The following ACER3 variants were observed in gnomAD, a reference collection of about 807,000 sequenced individuals.
The protein encoded by ACER3 is alkCDase 3.
Under a neutral mutation model 48.9 loss-of-function variants are expected in ACER3, and 16 were observed. The observed-to-expected ratio is 0.33, with a 90% confidence interval of 0.22 to 0.50. The LOEUF is 0.50. Ranked by LOEUF, ACER3 falls within the 20% of genes least tolerant of loss-of-function variation. The pLI, the probability that ACER3 is intolerant of heterozygous loss-of-function variation, is 0.98. For missense variants in ACER3, 227 were observed against 326.0 expected, an observed-to-expected ratio of 0.70 and a Z score of 2.34; for synonymous variants, 109 against 107.8, an observed-to-expected ratio of 1.01 and a Z score of -0.07.
chr11:76,978,877 G>A (rs759586413), intron 4 of ACER3, among the ~76,000 whole-genome samples: 9 of 152,326 alleles, frequency 5.9e-5, no homozygotes, highest in East Asian at 1.9e-4. Flanking sequence ...TGATCAAACC[G>A]CAGGCTTACA....
intron 1 of ACER3, among the ~76,000 whole-genome samples, chr11:76,924,319 A>C (rs924863332): frequency 1.3e-5 from 2 of 151,922 alleles, no homozygotes; most frequent in Non-Finnish European, 2.9e-5. Flanking sequence ...TTGTGTGGAA[A>C]CAGAAGTCTG....
At chr11:76,925,235 T>C (rs1246596909) in intron 1 of ACER3, among the ~76,000 whole-genome samples, 1 of 152,220 alleles carries the variant, frequency 6.6e-6, no homozygotes, top group African/African-American at 2.4e-5. Flanking sequence ...GATTTATTTC[T>C]TGACTTGACA....
chr11:76,904,060 C>T (rs1003139970), intron 1 of ACER3, among the ~76,000 whole-genome samples: 1 of 152,248 alleles, frequency 6.6e-6, no homozygotes, highest in African/African-American at 2.4e-5. Flanking sequence ...AATTTTGGCT[C>T]ACTGCAACCT....
Position 77,025,418 on chromosome 11 carries a change from A to AT in ACER3, c.*5098dup, listed in dbSNP as rs1261260756. 7 of 140,094 alleles carry AT rather than the reference A, an allele frequency of 5.0e-5. No individual in the cohort carries two copies. Among genetic ancestry groups the AT allele is most frequent in the African/African-American group, 1.6e-4 (6 of 37,968 alleles). 8.7% of individuals were successfully genotyped at this position (140,094 alleles called of 1,614,324 possible). A position where few individuals can be genotyped will look rare whatever the true frequency, so the allele number is the denominator to read the frequency against. On this transcript the variant is annotated 3_prime_UTR_variant, in exon 11 of 11. Transcript: ENST00000532485. Reference sequence around the variant, plus strand: ...TATATATATATATATATATTTATTTATTTTTTTGAGACAGAGTCTCTCTCT... The same window carrying AT: ...TATATATATATATATATATTTATTTATTTTTTTTGAGACAGAGTCTCTCTCT...
At chr11:77,005,143 TTC>T (rs1949108638) in intron 7 of ACER3, among the ~76,000 whole-genome samples, 1 of 151,600 alleles carries the variant, frequency 6.6e-6, no homozygotes, top group African/African-American at 2.4e-5. Context: ...GTTCACGCCA[TTC>T]TCCTGCCTCA....
intron 2 of ACER3, among the ~76,000 whole-genome samples, chr11:76,947,412 T>G (rs1185634558): frequency 6.6e-6 from 1 of 152,224 alleles, no homozygotes; most frequent in Non-Finnish European, 1.5e-5. Context: ...TGTGATCATA[T>G]CTATAGTCTG....
intron 2 of ACER3, among the ~76,000 whole-genome samples, chr11:76,933,355 C>T (rs1947071222): frequency 7.0e-6 from 1 of 142,746 alleles, no homozygotes; most frequent in Admixed American, 7.1e-5. Context: ...GGTCATAGGA[C>T]AATAGTGGAG....
chr11:76,999,921 G>T (rs1200266255), intron 7 of ACER3, among the ~76,000 whole-genome samples: 1 of 152,144 alleles, frequency 6.6e-6, no homozygotes, highest in African/African-American at 2.4e-5. Flanking sequence ...ATGAACAATT[G>T]TAATGCAGGT....
chr11:76,959,562 AT>A (rs1252918023), intron 3 of ACER3, among the ~76,000 whole-genome samples: 2 of 151,400 alleles, frequency 1.3e-5, no homozygotes, highest in Non-Finnish European at 2.9e-5. Flanking sequence ...TTTATTTTTC[AT>A]TTTTTTGAGT....
At chr11:76,973,701 G>A (rs1948366489) in intron 3 of ACER3, among the ~76,000 whole-genome samples, 1 of 152,172 alleles carries the variant, frequency 6.6e-6, no homozygotes, top group African/African-American at 2.4e-5. Context: ...TTTCTTAGTA[G>A]TGTCCTTTGA....
intron 7 of ACER3, among the ~76,000 whole-genome samples, chr11:77,010,393 T>C (rs1949238786): frequency 7.3e-6 from 1 of 137,468 alleles, no homozygotes; most frequent in Non-Finnish European, 1.6e-5. Context: ...TTGAAGTGTT[T>C]AAAAGATACA....
At chr11:76,885,599 G>C (rs1044668313) in intron 1 of ACER3, among the ~76,000 whole-genome samples, 1 of 152,112 alleles carries the variant, frequency 6.6e-6, no homozygotes, top group Non-Finnish European at 1.5e-5. Flanking sequence ...CTGCAGGAAG[G>C]AACAGGCAAG....
intron 4 of ACER3, among the ~76,000 whole-genome samples, chr11:76,982,806 T>G (rs1340973571): frequency 6.6e-6 from 1 of 152,264 alleles, no homozygotes; most frequent in East Asian, 1.9e-4. Flanking sequence ...ATTTTACATT[T>G]AGGTCCATGA....
intron 5 of ACER3, among the ~76,000 whole-genome samples, chr11:76,987,081 A>G (rs968269308): frequency 2.0e-5 from 3 of 152,166 alleles, no homozygotes; most frequent in African/African-American, 7.2e-5. Context: ...GAAAAAAAAG[A>G]AAAGAAAAAG....
intron 2 of ACER3, among the ~76,000 whole-genome samples, chr11:76,933,793 T>C (rs1434425589): frequency 6.6e-6 from 1 of 152,130 alleles, no homozygotes; most frequent in Non-Finnish European, 1.5e-5. Flanking sequence ...CAATGAGCTG[T>C]TGGGTACACC....
intron 1 of ACER3, among the ~76,000 whole-genome samples, chr11:76,922,896 C>T (rs894786845): frequency 6.6e-6 from 1 of 152,110 alleles, no homozygotes; most frequent in Non-Finnish European, 1.5e-5. Flanking sequence ...TTAATAGGCT[C>T]AGCATATTTT....
At chr11:77,006,452 A>G (rs77209202) in intron 7 of ACER3, among the ~76,000 whole-genome samples, 119 of 152,166 alleles carry the variant, frequency 7.8e-4, no homozygotes, top group African/African-American at 2.8e-3. Flanking sequence ...CTGATGTTCC[A>G]TGATCCCTTT....
At chr11:76,974,803 G>T (rs1394136484) in intron 3 of ACER3, among the ~76,000 whole-genome samples, 1 of 152,006 alleles carries the variant, frequency 6.6e-6, no homozygotes. Flanking sequence ...TTTATGGTAT[G>T]TAAGTTATAG....
chr11:76,980,786 G>T (rs1354237940), intron 4 of ACER3, among the ~76,000 whole-genome samples: 1 of 152,226 alleles, frequency 6.6e-6, no homozygotes, highest in African/African-American at 2.4e-5. Context: ...TTTAGTAACT[G>T]AATGAGCTTA....
Sources: gnomAD v4.1 joint callset for allele counts (sites outside exome capture counted in the v4.1 genomes callset) on GRCh38, gnomAD v4.1.1 for gene constraint, MANE v1.5 for transcripts, NCBI Gene and HGNC (gene_info 2026-07-23, HGNC 2026-07-21) for gene names.